Variants in KCNG3 observed in about 807,000 individuals in gnomAD.
KCNG3 encodes voltage-gated potassium channel regulatory subunit KCNG3.
A neutral mutation model predicts 29.0 loss-of-function variants in KCNG3; 15 were observed. The ratio of observed to expected loss-of-function variants is 0.52; its 90% CI spans 0.35 to 0.80. The LOEUF is 0.80. Among genes scored for constraint, KCNG3 ranks in the 30% least tolerant of loss-of-function variants. The pLI is 0.01. For missense variants in KCNG3, 512 were observed against 605.7 expected (o/e 0.85, Z 1.62); for synonymous variants, 322 against 248.9 (o/e 1.29, Z -2.76).
chr2:42,485,546 G>A (rs1356780521), intron 1 of KCNG3, among the ~76,000 whole-genome samples: 1 of 151,902 alleles, frequency 6.6e-6, no homozygotes, highest in South Asian at 2.1e-4. Flanking sequence ...CTGGGTTCAC[G>A]CCATTCTCCC....
At chr2:42,419,138 T>C in the KCNG3 span, among the ~76,000 whole-genome samples, 147 of 150,538 alleles carry the variant, frequency 9.8e-4, no homozygotes, top group Non-Finnish European at 1.7e-3. Context: ...GTTCAGACCG[T>C]GTAATGTTCC....
chr2:42,449,614 C>T lies in KCNG3; in HGVS notation c.666-5035G>A, dbSNP rs150353742. On this transcript the variant is annotated intron_variant, in intron 1 of 1. Coordinates refer to ENST00000306078, the MANE Select transcript of KCNG3 (RefSeq NM_133329.6). ...CTCACTGCAACCTCCACCTCCCGGA[C>T]TCAAGCAATTCTCCTGCCTCAGCTT... is the stretch of plus-strand genomic sequence containing the variant. 4.9e-3 allele frequency among the ~76,000 whole-genome samples: 735 copies of T among 150,262 alleles called. 7 individuals carry two copies. The highest frequency in any genetic ancestry group is 0.017 in the African/African-American group (687 of 40,784).
At chr2:42,438,655 T>C (rs781052936), downstream of KCNG3, among the ~76,000 whole-genome samples, 8 of 152,234 alleles carry the variant, frequency 5.3e-5, no homozygotes, top group Non-Finnish European at 7.3e-5. Flanking sequence ...AAACTGACAA[T>C]TGAGCTTATG....
At position 42,444,453 on chromosome 2, in the gene KCNG3, C is replaced by T. The variant is rs770589742; in HGVS notation, c.792G>A (p.Pro264=). ...LNIIDLLAIT[P]YYISVLMTVF... ...CTGTCATCAACACAGAGATGTAATA[C>T]GGCGTGATTGCCAGTAAATCAATGA... Residue 264 remains proline, a synonymous_variant, in exon 2 of 2, where the codon CCG becomes CCA. Transcript: ENST00000306078. The surrounding 1 kb of genome is among the most constrained non-coding windows in gnomAD (Gnocchi z 5.8). The T allele has an allele frequency of 1.1e-5, 18 of 1,614,030 alleles. No individual in the cohort carries two copies. The highest frequency in any genetic ancestry group is 2.2e-5 in the South Asian group (2 of 91,068).
chr2:42,417,408 C>T, the KCNG3 span, among the ~76,000 whole-genome samples: 10 of 152,022 alleles, frequency 6.6e-5, no homozygotes, highest in Non-Finnish European at 1.5e-4. Context: ...GGGGCCTTGA[C>T]CTCCCAGGCT....
the KCNG3 span, among the ~76,000 whole-genome samples, chr2:42,422,463 G>A: frequency 1.2e-4 from 19 of 152,110 alleles, no homozygotes; most frequent in African/African-American, 3.4e-4. Flanking sequence ...TACCCTGTCC[G>A]TGGTATTCTG....
At chr2:42,473,879 C>T (rs545687480) in intron 1 of KCNG3, among the ~76,000 whole-genome samples, 5 of 152,032 alleles carry the variant, frequency 3.3e-5, no homozygotes, top group East Asian at 1.9e-4. Flanking sequence ...AGGCCAGGCG[C>T]GGTGGCTCAC....
At position 42,479,640 on chromosome 2, in the gene KCNG3, T is replaced by C. The variant is rs370415809; in HGVS notation, c.665+13197A>G. ...CAGTCTGGGTGACAAAATAAGACCC[T>C]GTCTCAAAAAAAAAAAAAAAGAAAG... On this transcript the variant is annotated intron_variant, in intron 1 of 1. Coordinates refer to ENST00000306078, the MANE Select transcript of KCNG3 (RefSeq NM_133329.6). 3.5e-5 allele frequency among the ~76,000 whole-genome samples: 5 copies of C among 141,530 alleles called. No individual in the cohort carries two copies. In the East Asian group the frequency reaches 1.0e-3, roughly 28 times the overall value. 92.8% of individuals were successfully genotyped at this position (141,530 alleles called of 152,430 possible).
At chr2:42,481,094 A>T (rs185855731) in intron 1 of KCNG3, among the ~76,000 whole-genome samples, 2 of 152,198 alleles carry the variant, frequency 1.3e-5, no homozygotes, top group African/African-American at 2.4e-5. Flanking sequence ...ATCCATTCTT[A>T]CTTAGTTCAG....
chr2:42,413,408 T>TA, the KCNG3 span, among the ~76,000 whole-genome samples: 1 of 152,212 alleles, frequency 6.6e-6, no homozygotes, highest in African/African-American at 2.4e-5. Context: ...TTGGCCATCT[T>TA]GTTTTTTTCT....
At chr2:42,454,199 C>T (rs375445304) in intron 1 of KCNG3, among the ~76,000 whole-genome samples, 6 of 151,742 alleles carry the variant, frequency 4.0e-5, no homozygotes, top group African/African-American at 9.7e-5. Flanking sequence ...GGAGGTTCCT[C>T]GAAAAATTAA....
chr2:42,441,651 CTT>C (rs1473930524), downstream of KCNG3, among the ~76,000 whole-genome samples: 1 of 85,550 alleles, frequency 1.2e-5, no homozygotes, highest in Non-Finnish European at 2.6e-5. Context: ...AGATTTCACA[CTT>C]GTTACCTAAG....
chr2:42,492,997 C>A lies in KCNG3; in HGVS notation c.505G>T (p.Ala169Ser). ...GACACGCTAGCCAGGATCTGCGCGG[C>A]CAGCGACGACGTGGGCTCCTCGAAG... ...RTFEEPTSSL[A>S]AQILASVSVV... is the part of the protein sequence containing the mutation. Residue 169 changes from alanine to serine, a missense_variant, in exon 1 of 2, where the codon GCC (alanine) becomes TCC (serine). By Grantham distance (99) the Ala-to-Ser change is moderately conservative. Transcript: ENST00000306078. 1 of 1,534,834 alleles carries A rather than the reference C, an allele frequency of 6.5e-7. No individual in the cohort carries two copies. Among genetic ancestry groups the A allele is most frequent in the Non-Finnish European group, 8.7e-7 (1 of 1,144,470 alleles).
chr2:42,483,739 C>A (rs1259230886), intron 1 of KCNG3, among the ~76,000 whole-genome samples: 1 of 152,116 alleles, frequency 6.6e-6, no homozygotes, highest in Non-Finnish European at 1.5e-5. Flanking sequence ...GAATGCTATA[C>A]AAATATTTAA....
chr2:42,403,510 C>T, the KCNG3 span, among the ~76,000 whole-genome samples: 1 of 133,330 alleles, frequency 7.5e-6, no homozygotes, highest in African/African-American at 2.8e-5. Context: ...GACAGAGTCT[C>T]ACTCTGTCAC....
the KCNG3 span, among the ~76,000 whole-genome samples, chr2:42,436,516 C>A: frequency 6.6e-6 from 1 of 152,218 alleles, no homozygotes; most frequent in Non-Finnish European, 1.5e-5. Flanking sequence ...GCCAATAACA[C>A]TGACTGGTCA....
chr2:42,426,483 C>T, the KCNG3 span, among the ~76,000 whole-genome samples: 2 of 152,154 alleles, frequency 1.3e-5, no homozygotes, highest in Non-Finnish European at 1.5e-5. Flanking sequence ...TGACAGTTAA[C>T]AGTAGTTATG....
At chr2:42,425,875 G>A in the KCNG3 span, among the ~76,000 whole-genome samples, 1 of 152,150 alleles carries the variant, frequency 6.6e-6, no homozygotes, top group East Asian at 1.9e-4. Context: ...TGAAGTTTTG[G>A]TTCAGAACAA....
intron 1 of KCNG3, among the ~76,000 whole-genome samples, chr2:42,477,388 T>TAC (rs1210808896): frequency 0.022 from 2,342 of 104,716 alleles, 42 homozygotes; most frequent in East Asian, 0.055. Context: ...CACATATATA[T>TAC]ACACACACAC....
Sources: gnomAD v4.1 joint callset for allele counts (sites outside exome capture counted in the v4.1 genomes callset) on GRCh38, gnomAD v4.1.1 for gene constraint, Gnocchi (gnomAD v3.1) non-coding constraint, MANE v1.5 for transcripts, NCBI Gene and HGNC (gene_info 2026-07-23, HGNC 2026-07-21) for gene names.